Variants in ITPKB observed in about 807,000 individuals in gnomAD.
ITPKB encodes the protein inositol-trisphosphate 3-kinase B.
Under a neutral mutation model 69.4 loss-of-function variants are expected in ITPKB, and 13 were observed. The observed-to-expected ratio is 0.19, with a 90% CI of 0.12 to 0.30. ITPKB has a LOEUF of 0.30. ITPKB is among the 10% of genes least tolerant of loss of function. ITPKB has a pLI of 1.00. For missense variants in ITPKB, 1,240 were observed against 1,250.5 expected (o/e 0.99, Z 0.13); for synonymous variants, 584 against 513.7 (o/e 1.14, Z -1.85).
rs1657897907 is a variant in ITPKB, at chr1:226,738,710, G to GGAGC, written c.-206+330_-206+331insGCTC. Among the ~76,000 whole-genome samples, 1 of 152,162 alleles carries GGAGC rather than the reference G, an allele frequency of 6.6e-6. No homozygotes were observed. The highest frequency in any genetic ancestry group is 2.4e-5 in the African/African-American group (1 of 41,446). ...CCCAGGGCAGCGCCGCGGAGCGCAG[G>GGAGC]GCTTCTCCGCATCCCGGGCAGCCTC... On this transcript the variant is annotated intron_variant, in intron 1 of 7. Transcript: ENST00000429204. The surrounding 1 kb of genome is among the most constrained non-coding windows in gnomAD (Gnocchi z 4.2).
At chr1:226,716,178 A>T (rs1375677801) in intron 2 of ITPKB, among the ~76,000 whole-genome samples, 1 of 152,210 alleles carries the variant, frequency 6.6e-6, no homozygotes, top group Non-Finnish European at 1.5e-5. Context: ...CAGACGACTT[A>T]AAGTAGTGTG....
At chr1:226,663,992 CA>C (rs1013010188) in intron 2 of ITPKB, among the ~76,000 whole-genome samples, 6 of 152,182 alleles carry the variant, frequency 3.9e-5, no homozygotes, top group African/African-American at 1.4e-4. Context: ...TACAGAGAAG[CA>C]AAACCAAGAA....
intron 2 of ITPKB, among the ~76,000 whole-genome samples, chr1:226,702,747 CG>C (rs1644332505): frequency 6.6e-6 from 1 of 152,190 alleles, no homozygotes; most frequent in Admixed American, 6.5e-5. Context: ...GAGTCCCAAC[CG>C]GGAAGCCTGG....
chr1:226,704,584 CAT>C (rs148368579), intron 2 of ITPKB, among the ~76,000 whole-genome samples: 9,297 of 152,262 alleles, frequency 0.061, 935 homozygotes, highest in African/African-American at 0.21. Flanking sequence ...TGAGCAAAAA[CAT>C]GTGACAAAAG....
At position 226,669,073 on chromosome 1, in the gene ITPKB, T is replaced by A. The variant is rs553692179; in HGVS notation, c.1933-20302A>T. ...ATCATCATCATTATTATTTATTTCT[T>A]AATTATTGAAATAATTTTGTTACTA... On this transcript the variant is annotated intron_variant, in intron 2 of 7. Transcript: ENST00000429204. 1.3e-3 allele frequency: 205 copies of A among 152,374 alleles called. 2 individuals carry two copies. The highest frequency in any genetic ancestry group is 4.7e-3 in the African/African-American group (195 of 41,586). The allele number at this position is 152,374 out of a possible 1,614,324, so 9.4% of individuals were successfully genotyped here.
chr1:226,699,498 GAGTCTC>G lies in ITPKB; in HGVS notation c.1932+36023_1932+36028del, dbSNP rs531567913. ...ACTGAGAAGTCATTTAACACCTCTG[GAGTCTC>G]AGTTTCCTCATCTGCAAAATAGATA... On this transcript the variant is annotated intron_variant, in intron 2 of 7. Transcript: ENST00000429204. 4.7e-3 allele frequency among the ~76,000 whole-genome samples: 715 copies of G among 152,348 alleles called. 4 individuals carry two copies. The highest frequency in any genetic ancestry group is 0.02 in the Middle Eastern group (6 of 294).
Position 226,641,800 on chromosome 1 carries a change from C to A in ITPKB, c.2451+121G>T. 2.2e-6 allele frequency: 2 copies of A among 922,666 alleles called. No individual in the cohort carries two copies. Among genetic ancestry groups the A allele is most frequent in the Non-Finnish European group, 3.3e-6 (2 of 606,228 alleles). 57.2% of individuals were successfully genotyped at this position (922,666 alleles called of 1,614,324 possible). On this transcript the variant is annotated intron_variant, in intron 5 of 7. Coordinates refer to ENST00000429204, the MANE Select transcript of ITPKB (RefSeq NM_002221.4). This position sits in a 1 kb window ranked among gnomAD's most constrained non-coding sequence, Gnocchi z 4.6. Reference sequence around the variant, plus strand: ...CCAAATGTCTGGCCTTGGGGCGGGCCACCCACATTCTGAGCCTGTGCCTGG... The same window carrying A: ...CCAAATGTCTGGCCTTGGGGCGGGCAACCCACATTCTGAGCCTGTGCCTGG...
intron 2 of ITPKB, among the ~76,000 whole-genome samples, chr1:226,655,472 G>A (rs1327637159): frequency 6.6e-6 from 1 of 152,214 alleles, no homozygotes; most frequent in Non-Finnish European, 1.5e-5. Context: ...CCTAGGGCAG[G>A]GGAGGGCTCA....
At position 226,647,268 on chromosome 1, in the gene ITPKB, G is replaced by A. The variant is rs895687672; in HGVS notation, c.2145C>T (p.Tyr715=). The A allele has an allele frequency of 5.6e-6, 9 of 1,614,108 alleles. No individual in the cohort carries two copies. In the African/African-American group the frequency reaches 1.2e-4, roughly 22 times the overall value. Residue 715 remains tyrosine (Y), a synonymous_variant, in exon 4 of 8, where the codon TAC becomes TAT. Coordinates refer to ENST00000429204, the MANE Select transcript of ITPKB (RefSeq NM_002221.4). ...VDVLRPFVPA[Y]HGDVVKDGER... is the part of the protein sequence containing the mutation. ...CCCCGTCCTTCACCACATCCCCATG[G>A]TAGGCAGGTACGAAGGGCCTCAGCA... is the stretch of plus-strand genomic sequence containing the variant.
intron 2 of ITPKB, among the ~76,000 whole-genome samples, chr1:226,672,209 C>T (rs141504659): frequency 1.3e-5 from 2 of 152,202 alleles, no homozygotes; most frequent in East Asian, 3.9e-4. Context: ...AGAGAGGCAC[C>T]GAAATGTGAC....
At chr1:226,663,658 T>C (rs567903375) in intron 2 of ITPKB, among the ~76,000 whole-genome samples, 1 of 152,264 alleles carries the variant, frequency 6.6e-6, no homozygotes, top group African/African-American at 2.4e-5. Context: ...TAGCTGGGAC[T>C]ATATGCATAT....
Position 226,735,508 on chromosome 1 carries a change from A to T in ITPKB, c.1932+19T>A, listed in dbSNP as rs1345490080. 1 of 1,484,006 alleles carries T rather than the reference A, an allele frequency of 6.7e-7. No individual in the cohort carries two copies. The highest frequency in any genetic ancestry group is 9.0e-7 in the Non-Finnish European group (1 of 1,114,716). The allele number at this position is 1,484,006 out of a possible 1,614,324, so 91.9% of individuals were successfully genotyped here. Reference sequence around the variant, plus strand: ...TGAAATCAGCATGAGTTCTGGGCAAATCTCAGAGCAAGACTTACCACTCTA... The same window carrying T: ...TGAAATCAGCATGAGTTCTGGGCAATTCTCAGAGCAAGACTTACCACTCTA... On this transcript the variant is annotated intron_variant, in intron 2 of 7. Transcript: ENST00000429204.
At chr1:226,646,498 G>C (rs1401815029) in intron 4 of ITPKB, among the ~76,000 whole-genome samples, 3 of 152,200 alleles carry the variant, frequency 2.0e-5, no homozygotes, top group Admixed American at 6.5e-5. Context: ...TCCTCTCCAG[G>C]CTTATCCCCT....
intron 4 of ITPKB, among the ~76,000 whole-genome samples, chr1:226,646,236 C>G (rs1240034194): frequency 6.6e-6 from 1 of 152,228 alleles, no homozygotes; most frequent in Non-Finnish European, 1.5e-5. Context: ...AGGGCCAGCC[C>G]CACAACATGA....
intron 6 of ITPKB, 34 bp downstream of exon 6, chr1:226,639,523 C>T (rs774547928): frequency 1.4e-6 from 2 of 1,395,146 alleles, no homozygotes; most frequent in South Asian, 2.3e-5. Flanking sequence ...CCCTGGCTGG[C>T]TGGAGAGACC....
In ITPKB at chr1:226,637,805, C is replaced by G. The variant is rs1668870483; in HGVS notation, c.2554-55G>C. ...AGCGCCGCGTGGGGAAGGGCAGTGT[C>G]AGAACACCCATGCGGCCTCTAGTGG... On this transcript the variant is annotated intron_variant, in intron 6 of 7. Coordinates refer to ENST00000429204, the MANE Select transcript of ITPKB (RefSeq NM_002221.4). This position sits in a 1 kb window ranked among gnomAD's most constrained non-coding sequence, Gnocchi z 4.3. 3 of 1,345,896 alleles carry G rather than the reference C, an allele frequency of 2.2e-6. No homozygotes were observed. Among genetic ancestry groups the G allele is most frequent in the East Asian group, 2.3e-5 (1 of 43,208 alleles). 83.4% of individuals were successfully genotyped at this position (1,345,896 alleles called of 1,614,324 possible).
chr1:226,695,910 G>A (rs987712688), intron 2 of ITPKB, among the ~76,000 whole-genome samples: 2 of 152,132 alleles, frequency 1.3e-5, no homozygotes, highest in Non-Finnish European at 2.9e-5. Flanking sequence ...CGGGGAGGAG[G>A]GGGAGGAAAC....
chr1:226,736,912 T>A lies in ITPKB; in HGVS notation c.547A>T (p.Ser183Cys), dbSNP rs1657795609. The A allele has an allele frequency of 6.2e-7, 1 of 1,610,532 alleles. No homozygotes were observed. The highest frequency in any genetic ancestry group is 8.5e-7 in the Non-Finnish European group (1 of 1,179,966). The change falls in exon 2 of 8, where the codon AGC becomes TGC. Residue 183 changes from serine to cysteine, a missense_variant. By Grantham distance (112) the Ser-to-Cys change is moderately radical (BLOSUM62 -1). Transcript: ENST00000429204. ...RSPSPCPFRS[S>C]SQPPGRVLVQ... Reference sequence around the variant, plus strand: ...AGGACCCTTCCAGGGGGCTGACTGCTGCTGCGGAAGGGGCACGGGGAGGGC... The same window carrying A: ...AGGACCCTTCCAGGGGGCTGACTGCAGCTGCGGAAGGGGCACGGGGAGGGC...
At chr1:226,701,147 C>T (rs557941359) in intron 2 of ITPKB, among the ~76,000 whole-genome samples, 3 of 152,186 alleles carry the variant, frequency 2.0e-5, no homozygotes, top group Non-Finnish European at 4.4e-5. Context: ...AAGCTAGCCA[C>T]GCAGGGTCTG....
Sources: allele counts gnomAD v4.1 joint callset (sites outside exome capture counted in the v4.1 genomes callset), GRCh38; gene constraint gnomAD v4.1.1; non-coding constraint Gnocchi (gnomAD v3.1); transcripts MANE v1.5; gene names NCBI Gene and HGNC (gene_info 2026-07-23, HGNC 2026-07-21).